LIPA: variants seen among roughly 807,000 people sequenced by gnomAD.
LIPA encodes the protein lipase A, lysosomal acid type.
LIPA carries 26 observed loss-of-function variants against 40.6 expected under a neutral mutation model. The ratio of observed to expected loss-of-function variants is 0.64; its 90% CI spans 0.47 to 0.89. The LOEUF (loss-of-function observed/expected upper bound fraction) is 0.89, where lower values mean the gene tolerates loss of function less well. Among genes scored for constraint, LIPA ranks in the 40% least tolerant of loss-of-function variants. The pLI is 0.00. For synonymous variants in LIPA, 188 were observed against 168.4 expected, an observed-to-expected ratio of 1.12 and a Z score of -0.90; for missense variants, 455 against 479.6, an observed-to-expected ratio of 0.95 and a Z score of 0.48.
At chr10:89,403,391 G>A in intron 2 of LIPA, 2 of 1,613,688 alleles carry the variant, frequency 1.2e-6, no homozygotes, top group Non-Finnish European at 1.7e-6. Flanking sequence ...TGAAACCAGT[G>A]GTAGAAGAAA....
At chr10:89,372,906 G>C (rs1287338864) in intron 2 of LIPA, among the ~76,000 whole-genome samples, 1 of 152,150 alleles carries the variant, frequency 6.6e-6, no homozygotes, top group East Asian at 1.9e-4. Context: ...TTTTCCAATA[G>C]ACATTATAGG....
intron 1 of LIPA, chr10:89,308,572 G>T (rs1189975778): frequency 6.6e-6 from 1 of 152,140 alleles, no homozygotes; most frequent in Non-Finnish European, 1.5e-5. Context: ...TGCTTGGAAC[G>T]ATTGAGATTT....
At chr10:89,383,011 C>T (rs190784769) in intron 2 of LIPA, among the ~76,000 whole-genome samples, 6 of 152,324 alleles carry the variant, frequency 3.9e-5, no homozygotes, top group African/African-American at 1.4e-4. Context: ...AGAAAGAAGA[C>T]AGGTTTTGCA....
intron 1 of LIPA, chr10:89,305,879 G>A (rs1471416566): frequency 5.5e-6 from 5 of 907,126 alleles, no homozygotes; most frequent in African/African-American, 1.7e-5. Context: ...CCTTTAGGAG[G>A]AGGAGCATTT....
At chr10:89,225,344 A>C in intron 5 of LIPA, 116 bp from the exon 6 acceptor site, 1 of 1,254,324 alleles carries the variant, frequency 8.0e-7, no homozygotes, top group Non-Finnish European at 1.2e-6. Context: ...CCACGCAAAC[A>C]ATACCACCAG....
At chr10:89,254,401 A>G (rs1167263543), upstream of LIPA, among the ~76,000 whole-genome samples, 1 of 152,212 alleles carries the variant, frequency 6.6e-6, no homozygotes, top group Non-Finnish European at 1.5e-5. Context: ...GCTGTACTTT[A>G]ACCCCTTTTT....
intron 1 of LIPA, among the ~76,000 whole-genome samples, chr10:89,298,803 T>C (rs1417103417): frequency 2.0e-5 from 3 of 151,812 alleles, no homozygotes; most frequent in Non-Finnish European, 4.4e-5. Context: ...CTGGCCAACA[T>C]AGTGAAAACC....
intron 2 of LIPA, among the ~76,000 whole-genome samples, chr10:89,411,360 C>T (rs1841468052): frequency 6.6e-6 from 1 of 152,076 alleles, no homozygotes; most frequent in African/African-American, 2.4e-5. Flanking sequence ...AGGAAAATTG[C>T]CTAATAATTG....
chr10:89,346,206 G>A (rs1011001991), upstream of LIPA, among the ~76,000 whole-genome samples: 1 of 152,164 alleles, frequency 6.6e-6, no homozygotes, highest in African/African-American at 2.4e-5. Flanking sequence ...TAGACTTAAA[G>A]TTGTAAAAAT....
intron 1 of LIPA, among the ~76,000 whole-genome samples, chr10:89,291,140 C>T (rs1843372309): frequency 6.6e-6 from 1 of 150,840 alleles, no homozygotes; most frequent in Admixed American, 6.6e-5. Context: ...TCCATCCTTC[C>T]TTCCTTTCCT....
intron 1 of LIPA, among the ~76,000 whole-genome samples, chr10:89,260,925 T>G (rs1315795788): frequency 6.6e-6 from 1 of 152,186 alleles, no homozygotes; most frequent in Non-Finnish European, 1.5e-5. Context: ...TCCTCTTCCT[T>G]TTCCTATGCT....
intron 1 of LIPA, among the ~76,000 whole-genome samples, chr10:89,295,020 T>TAAGGAAAGGAAAG (rs1843404400): frequency 9.4e-6 from 1 of 106,616 alleles, no homozygotes; most frequent in African/African-American, 3.7e-5. Flanking sequence ...GGAAATGAAA[T>TAAGGAAAGGAAAG]GAAAGGAAAG....
chr10:89,402,375 G>T lies in LIPA; in HGVS notation c.61+10416C>A, dbSNP rs1844440258. 3 of 1,614,148 alleles carry T rather than the reference G, an allele frequency of 1.9e-6. No homozygotes were observed. In the African/African-American group the frequency reaches 4.0e-5, roughly 22 times the overall value. On this transcript the variant is annotated intron_variant, in intron 2 of 8. Transcript: ENST00000371837. ...ATCCATTGATGACGATGAAATGCCT[G>T]ATTTAGAAAACAGAGTCTTGGATCA...
At chr10:89,368,905 TCACAAA>T (rs1268058293) in intron 2 of LIPA, among the ~76,000 whole-genome samples, 4 of 137,220 alleles carry the variant, frequency 2.9e-5, no homozygotes, top group African/African-American at 8.9e-5. Context: ...ACTCACACAC[TCACAAA>T]CACAAACACA....
At chr10:89,366,495 A>T (rs1000055959) in intron 2 of LIPA, among the ~76,000 whole-genome samples, 24 of 152,176 alleles carry the variant, frequency 1.6e-4, no homozygotes, top group South Asian at 6.2e-4. Context: ...ATAAGAAAAA[A>T]TTTTTTCACA....
At chr10:89,314,071 GA>G (rs1204494492) in intron 1 of LIPA, among the ~76,000 whole-genome samples, 1 of 152,100 alleles carries the variant, frequency 6.6e-6, no homozygotes, top group Non-Finnish European at 1.5e-5. Flanking sequence ...ATATAATAAA[GA>G]AAATTTTTCT....
intron 1 of LIPA, among the ~76,000 whole-genome samples, chr10:89,326,917 C>T (rs1279972161): frequency 3.3e-5 from 5 of 152,130 alleles, no homozygotes; most frequent in African/African-American, 1.2e-4. Context: ...ATGTGCCAGG[C>T]CACAACTTGG....
At chr10:89,289,092 G>A (rs529532543) in intron 1 of LIPA, among the ~76,000 whole-genome samples, 13 of 151,980 alleles carry the variant, frequency 8.6e-5, no homozygotes, top group African/African-American at 2.7e-4. Context: ...TGTCCTTCAC[G>A]GCCAGTTTTT....
chr10:89,328,138 T>A, intron 1 of LIPA: 1 of 1,516,914 alleles, frequency 6.6e-7, no homozygotes, highest in African/African-American at 1.4e-5. Context: ...TAAGTTGAGT[T>A]TCTTACTGTG....
Sources: allele counts gnomAD v4.1 joint callset (sites outside exome capture counted in the v4.1 genomes callset), GRCh38; gene constraint gnomAD v4.1.1; transcripts MANE v1.5; gene names NCBI Gene and HGNC (gene_info 2026-07-23, HGNC 2026-07-21).